Variants in CSMD1 observed in about 807,000 individuals in gnomAD.
The protein encoded by CSMD1 is CUB and Sushi multiple domains 1.
In CSMD1, 213 loss-of-function variants were observed where a neutral mutation model predicts 417.5. The observed-to-expected ratio is 0.51, with a 90% CI of 0.46 to 0.57. CSMD1 has a LOEUF of 0.57. Ranked by LOEUF, CSMD1 falls within the 20% of genes least tolerant of loss-of-function variation. The pLI, the probability that CSMD1 is intolerant of heterozygous loss-of-function variation, is 0.00. For synonymous variants in CSMD1, 2,862 were observed against 1,736.8 expected (o/e 1.65, Z -16.11); for missense variants, 6,923 against 4,529.7 (o/e 1.53, Z -15.17).
intron 6 of CSMD1, among the ~76,000 whole-genome samples, chr8:3,728,873 G>C (rs901677741): frequency 6.6e-6 from 1 of 152,162 alleles, no homozygotes; most frequent in Non-Finnish European, 1.5e-5. Flanking sequence ...GACTAAGGCA[G>C]GGATACTGGC....
At chr8:3,376,357 G>C (rs1810300693) in intron 18 of CSMD1, among the ~76,000 whole-genome samples, 1 of 151,748 alleles carries the variant, frequency 6.6e-6, no homozygotes, top group Admixed American at 6.6e-5. Context: ...ATTTGAATTG[G>C]GAAGGAAAGC....
intron 11 of CSMD1, among the ~76,000 whole-genome samples, chr8:3,472,775 G>A (rs1281903548): frequency 6.6e-6 from 1 of 152,014 alleles, no homozygotes; most frequent in Non-Finnish European, 1.5e-5. Flanking sequence ...TAAGTATAAG[G>A]GGGAAAACAT....
chr8:3,301,264 G>T (rs1305266836), intron 25 of CSMD1, among the ~76,000 whole-genome samples: 1 of 152,054 alleles, frequency 6.6e-6, no homozygotes, highest in African/African-American at 2.4e-5. Context: ...GTGGTCAGTG[G>T]AAACCTGGTG....
At chr8:3,174,826 CT>C (rs936949812) in intron 37 of CSMD1, among the ~76,000 whole-genome samples, 12 of 151,862 alleles carry the variant, frequency 7.9e-5, no homozygotes, top group Non-Finnish European at 1.5e-4. Context: ...ATTGTACACA[CT>C]TTTTTTATGT....
chr8:4,035,806 G>A (rs569464965), intron 3 of CSMD1, among the ~76,000 whole-genome samples: 2 of 152,038 alleles, frequency 1.3e-5, no homozygotes, highest in African/African-American at 2.4e-5. Context: ...AGAAAAATGT[G>A]TTTTTATACA....
intron 37 of CSMD1, among the ~76,000 whole-genome samples, chr8:3,171,498 G>A (rs1820581374): frequency 6.6e-6 from 1 of 152,134 alleles, no homozygotes; most frequent in African/African-American, 2.4e-5. Context: ...ATGATGAGTT[G>A]GTGGTTGGCT....
intron 1 of CSMD1, among the ~76,000 whole-genome samples, chr8:4,735,799 A>G (rs1292171553): frequency 6.6e-6 from 1 of 152,178 alleles, no homozygotes; most frequent in Non-Finnish European, 1.5e-5. Flanking sequence ...GAATTTTTCC[A>G]AGGCTGCCTA....
chr8:4,759,830 G>A (rs904882665), intron 1 of CSMD1, among the ~76,000 whole-genome samples: 4 of 152,168 alleles, frequency 2.6e-5, no homozygotes, highest in African/African-American at 9.7e-5. Flanking sequence ...CATTTGGGTT[G>A]ATTCCATGTG....
chr8:3,506,475 G>A (rs1471307834), intron 10 of CSMD1, among the ~76,000 whole-genome samples: 1 of 152,172 alleles, frequency 6.6e-6, no homozygotes, highest in Non-Finnish European at 1.5e-5. Flanking sequence ...CAGAAAGGGG[G>A]AATAAGTTAC....
chr8:3,638,455 A>T (rs1797149222), intron 7 of CSMD1, among the ~76,000 whole-genome samples: 1 of 151,888 alleles, frequency 6.6e-6, no homozygotes, highest in African/African-American at 2.4e-5. Context: ...AAAAAAAAAC[A>T]CTGCCTCTGA....
At chr8:3,374,640 A>T (rs1052430487) in intron 18 of CSMD1, among the ~76,000 whole-genome samples, 1 of 152,290 alleles carries the variant, frequency 6.6e-6, no homozygotes, top group South Asian at 2.1e-4. Flanking sequence ...AGTATGGAGT[A>T]AGTGATACAA....
intron 49 of CSMD1, among the ~76,000 whole-genome samples, chr8:3,073,762 AAAAATAT>A (rs1162625294): frequency 6.7e-6 from 1 of 149,990 alleles, no homozygotes; most frequent in Non-Finnish European, 1.5e-5. Context: ...TGAACTTTAA[AAAAATAT>A]AAAATATAAT....
intron 1 of CSMD1, among the ~76,000 whole-genome samples, chr8:4,720,308 T>C (rs1400992916): frequency 6.6e-6 from 1 of 152,154 alleles, no homozygotes; most frequent in South Asian, 2.1e-4. Flanking sequence ...TGAAATTCCT[T>C]CTTCTCAAAA....
At chr8:3,254,240 A>G (rs1179507442) in intron 26 of CSMD1, among the ~76,000 whole-genome samples, 1 of 152,170 alleles carries the variant, frequency 6.6e-6, no homozygotes, top group East Asian at 1.9e-4. Flanking sequence ...CTGTCGAGAG[A>G]TCAGCTGTTA....
chr8:3,491,997 T>C (rs1818405738), intron 11 of CSMD1, among the ~76,000 whole-genome samples: 1 of 152,146 alleles, frequency 6.6e-6, no homozygotes, highest in Admixed American at 6.5e-5. Context: ...TACAAGCTCT[T>C]TGTTCTCAGG....
intron 3 of CSMD1, among the ~76,000 whole-genome samples, chr8:4,394,269 A>G (rs1804056976): frequency 6.6e-6 from 1 of 152,192 alleles, no homozygotes; most frequent in South Asian, 2.1e-4. Context: ...ATAAAAATTG[A>G]CATATATAAT....
chr8:3,724,544 G>C (rs901371310), intron 6 of CSMD1, among the ~76,000 whole-genome samples: 8 of 152,000 alleles, frequency 5.3e-5, no homozygotes, highest in African/African-American at 1.9e-4. Context: ...GGGTCCTAAG[G>C]CTGAATGATC....
intron 10 of CSMD1, among the ~76,000 whole-genome samples, chr8:3,533,355 A>G (rs1032106537): frequency 3.3e-5 from 5 of 152,172 alleles, no homozygotes; most frequent in African/African-American, 4.8e-5. Context: ...TTCATCTTAC[A>G]TAAGAGAACT....
At chr8:4,624,924 G>A (rs772028196) in intron 2 of CSMD1, among the ~76,000 whole-genome samples, 1 of 152,132 alleles carries the variant, frequency 6.6e-6, no homozygotes, top group African/African-American at 2.4e-5. Flanking sequence ...ATTAAAGTGT[G>A]CTCCTGGTAG....
Sources: gnomAD v4.1 joint callset for allele counts (sites outside exome capture counted in the v4.1 genomes callset) on GRCh38, gnomAD v4.1.1 for gene constraint, MANE v1.5 for transcripts, NCBI Gene and HGNC (gene_info 2026-07-23, HGNC 2026-07-21) for gene names.